Variants in PLCB1 observed in about 807,000 individuals in gnomAD.
PLCB1 encodes the protein 1-phosphatidylinositol 4,5-bisphosphate phosphodiesterase beta-1.
PLCB1 carries 46 observed loss-of-function variants against 161.8 expected under a neutral mutation model. That is an observed-to-expected ratio of 0.28 (90% CI 0.22 to 0.36). The LOEUF is 0.36. Ranked by LOEUF, PLCB1 falls within the 10% of genes least tolerant of loss-of-function variation. The probability of loss-of-function intolerance (pLI) is 1.00; values close to 1 mark genes in which losing one functional copy is unlikely to be tolerated. For synonymous variants in PLCB1, 517 were observed against 503.7 expected (o/e 1.03, Z -0.35); for missense variants, 1,016 against 1,472.5 (o/e 0.69, Z 5.07).
At chr20:8,812,261 C>T (rs529738939) in intron 31 of PLCB1, among the ~76,000 whole-genome samples, 68 of 152,262 alleles carry the variant, frequency 4.5e-4, no homozygotes, top group African/African-American at 1.6e-3. Flanking sequence ...GGAAATGAGA[C>T]TTTGTATGTA....
At chr20:8,191,506 C>G (rs1193987248) in intron 2 of PLCB1, among the ~76,000 whole-genome samples, 1 of 151,784 alleles carries the variant, frequency 6.6e-6, no homozygotes, top group Non-Finnish European at 1.5e-5. Flanking sequence ...ACTCCAAGAA[C>G]AAGAACATTT....
chr20:8,250,643 A>G (rs972390791), intron 2 of PLCB1, among the ~76,000 whole-genome samples: 6 of 151,942 alleles, frequency 3.9e-5, no homozygotes, highest in African/African-American at 1.4e-4. Context: ...AGTGAACTTA[A>G]GTTTACTCAT....
intron 3 of PLCB1, among the ~76,000 whole-genome samples, chr20:8,391,449 G>A (rs1469772276): frequency 6.6e-6 from 1 of 151,984 alleles, no homozygotes; most frequent in East Asian, 1.9e-4. Flanking sequence ...AAGAACATGC[G>A]GGTATCTTTT....
chr20:8,184,769 TTTATTATTA>T (rs57793768), intron 2 of PLCB1, among the ~76,000 whole-genome samples: 28,806 of 141,904 alleles, frequency 0.2, 3,514 homozygotes, highest in Middle Eastern at 0.35. Context: ...TGGCAATACC[TTTATTATTA>T]TTATTATTAT....
Position 8,681,084 on chromosome 20 carries a change from G to GTGTGTGTGTGTATA in PLCB1, c.863-3845_863-3844insGTGTGTGTATATGT, listed in dbSNP as rs1555782771. On this transcript the variant is annotated intron_variant, in intron 9 of 31. Coordinates refer to ENST00000338037, the MANE Select transcript of PLCB1 (RefSeq NM_015192.4). ...TGTATATATGTGTGTATATGTGTGT[G>GTGTGTGTGTGTATA]TGTATATATATATATATATATATAT... 1.3e-4 allele frequency among the ~76,000 whole-genome samples: 5 copies of GTGTGTGTGTGTATA among 39,792 alleles called. No homozygotes were observed. In the Admixed American group the frequency reaches 1.4e-3, roughly 11 times the overall value. The allele number at this position is 39,792 out of a possible 152,430, so 26.1% of individuals were successfully genotyped here. A position where few individuals can be genotyped will look rare whatever the true frequency, so the allele number is the denominator to read the frequency against.
At chr20:8,138,723 G>T (rs937576354) in intron 1 of PLCB1, among the ~76,000 whole-genome samples, 3 of 152,080 alleles carry the variant, frequency 2.0e-5, no homozygotes, top group Non-Finnish European at 4.4e-5. Flanking sequence ...CTAACTAACT[G>T]AAATAGGATA....
rs138012851 is a variant in PLCB1, at chr20:8,664,660, G to C, written c.862+5956G>C. 1.8e-3 allele frequency among the ~76,000 whole-genome samples: 267 copies of C among 152,210 alleles called. 1 individual carries two copies. Among genetic ancestry groups the C allele is most frequent in the African/African-American group, 6.4e-3 (264 of 41,546 alleles). On this transcript the variant is annotated intron_variant, in intron 9 of 31. Coordinates refer to ENST00000338037, the MANE Select transcript of PLCB1 (RefSeq NM_015192.4). ...ACTAAAGCACTGAATAAATTTGCTT[G>C]TGCATATAAGCAAAAAGTCAAGGTG...
chr20:8,841,461 T>C (rs1488594234), intron 31 of PLCB1, among the ~76,000 whole-genome samples: 12 of 152,250 alleles, frequency 7.9e-5, no homozygotes, highest in African/African-American at 2.9e-4. Flanking sequence ...TTTACCATTT[T>C]CCTTCTAAAA....
chr20:8,240,306 G>GCACACACA (rs1243676536), intron 2 of PLCB1, among the ~76,000 whole-genome samples: 1 of 77,122 alleles, frequency 1.3e-5, no homozygotes, highest in African/African-American at 5.5e-5. Context: ...ACACACACAC[G>GCACACACA]CACACACACA....
At chr20:8,829,680 T>G (rs937903658) in intron 31 of PLCB1, among the ~76,000 whole-genome samples, 1 of 152,224 alleles carries the variant, frequency 6.6e-6, no homozygotes, top group African/African-American at 2.4e-5. Flanking sequence ...TTTGGATTTT[T>G]CATTGATGTG....
intron 3 of PLCB1, among the ~76,000 whole-genome samples, chr20:8,459,836 A>C (rs565772507): frequency 6.6e-6 from 1 of 152,172 alleles, no homozygotes; most frequent in Non-Finnish European, 1.5e-5. Flanking sequence ...GGAGTGATAA[A>C]CCAGAGTATA....
chr20:8,789,621 C>T, intron 30 of PLCB1, 46 bp downstream of exon 30: 1 of 1,403,836 alleles, frequency 7.1e-7, no homozygotes, highest in African/African-American at 1.4e-5. Flanking sequence ...CATGTGTGAA[C>T]ATTTGGTGAG....
intron 2 of PLCB1, among the ~76,000 whole-genome samples, chr20:8,230,816 C>T (rs1484688308): frequency 1.3e-5 from 2 of 152,116 alleles, no homozygotes; most frequent in African/African-American, 4.8e-5. Flanking sequence ...AGTTTGATTG[C>T]ACATTGCTGA....
In PLCB1 at chr20:8,254,948, T is replaced by G. The variant is rs114697264; in HGVS notation, c.177+104577T>G. 6.8e-3 allele frequency among the ~76,000 whole-genome samples: 1,037 copies of G among 152,176 alleles called. 14 individuals are homozygous for G. Among genetic ancestry groups the G allele is most frequent in the African/African-American group, 0.023 (957 of 41,548 alleles). ...GAAGTAATATATTTGAAAAATGCTTTGTAATCTGAAAAGCACCAGGCACTT... is the reference window on the plus strand; with the variant it reads ...GAAGTAATATATTTGAAAAATGCTTGGTAATCTGAAAAGCACCAGGCACTT... On this transcript the variant is annotated intron_variant, in intron 2 of 31. Coordinates refer to ENST00000338037, the MANE Select transcript of PLCB1 (RefSeq NM_015192.4).
intron 2 of PLCB1, among the ~76,000 whole-genome samples, chr20:8,168,866 G>A (rs571401384): frequency 6.6e-6 from 1 of 152,076 alleles, no homozygotes; most frequent in South Asian, 2.1e-4. Flanking sequence ...GCAGAAAAAT[G>A]ATGATGGGAA....
chr20:8,820,004 C>T (rs1442952618), intron 31 of PLCB1, among the ~76,000 whole-genome samples: 1 of 148,838 alleles, frequency 6.7e-6, no homozygotes, highest in Non-Finnish European at 1.5e-5. Flanking sequence ...ATTCATCCTC[C>T]TATATATATT....
intron 3 of PLCB1, among the ~76,000 whole-genome samples, chr20:8,624,076 C>T (rs1024569901): frequency 6.6e-6 from 1 of 152,140 alleles, no homozygotes; most frequent in Non-Finnish European, 1.5e-5. Flanking sequence ...CATAGCAAGT[C>T]GGCTCTGCCT....
At chr20:8,355,997 G>C (rs1986351843) in intron 2 of PLCB1, among the ~76,000 whole-genome samples, 1 of 152,050 alleles carries the variant, frequency 6.6e-6, no homozygotes, top group Non-Finnish European at 1.5e-5. Context: ...AAATAGACCT[G>C]CAGAATAGAT....
intron 2 of PLCB1, among the ~76,000 whole-genome samples, chr20:8,184,188 G>A (rs186716519): frequency 1.3e-5 from 2 of 152,162 alleles, no homozygotes; most frequent in Admixed American, 1.3e-4. Flanking sequence ...TGCATAAATA[G>A]GAGTGCTTTT....
Sources: gnomAD v4.1 joint callset for allele counts (sites outside exome capture counted in the v4.1 genomes callset) on GRCh38, gnomAD v4.1.1 for gene constraint, MANE v1.5 for transcripts, NCBI Gene and HGNC (gene_info 2026-07-23, HGNC 2026-07-21) for gene names.